The following OR9Q1 variants were observed in gnomAD, a reference collection of about 807,000 sequenced individuals.
OR9Q1 encodes the protein olfactory receptor 9Q1.
For synonymous variants in OR9Q1, 153 were observed against 148.6 expected (o/e 1.03, Z -0.22); for missense variants, 374 against 378.8 (o/e 0.99, Z 0.11).
chr11:58,043,851 C>T (rs1565058441), intron 1 of OR9Q1, among the ~76,000 whole-genome samples: 1 of 152,074 alleles, frequency 6.6e-6, no homozygotes, highest in Non-Finnish European at 1.5e-5. Context: ...ATGAGCTGTG[C>T]TAGGTGTAGG....
intron 2 of OR9Q1, among the ~76,000 whole-genome samples, chr11:58,069,935 G>T (rs957800899): frequency 3.3e-5 from 5 of 151,852 alleles, no homozygotes; most frequent in African/African-American, 9.7e-5. Context: ...CCAAACTCTG[G>T]GTCTTGTTTT....
intron 1 of OR9Q1, among the ~76,000 whole-genome samples, 182 bp from the exon 2 acceptor site, chr11:58,055,688 T>C (rs1853320262): frequency 1.3e-5 from 2 of 151,696 alleles, no homozygotes; most frequent in African/African-American, 2.4e-5. Flanking sequence ...TAGTCCCAGC[T>C]ACTCAGGAGG....
At chr11:58,102,863 C>T (rs1853798195) in intron 2 of OR9Q1, among the ~76,000 whole-genome samples, 1 of 152,040 alleles carries the variant, frequency 6.6e-6, no homozygotes, top group Non-Finnish European at 1.5e-5. Flanking sequence ...TCTACACTTT[C>T]CCCCATCTCT....
chr11:58,168,274 C>T (rs1250272013), intron 2 of OR9Q1, among the ~76,000 whole-genome samples: 1 of 152,162 alleles, frequency 6.6e-6, no homozygotes, highest in Non-Finnish European at 1.5e-5. Context: ...AACCACTACC[C>T]TGAATTTGCT....
chr11:58,113,823 T>A (rs992441197), intron 2 of OR9Q1, among the ~76,000 whole-genome samples: 1 of 152,178 alleles, frequency 6.6e-6, no homozygotes, highest in Non-Finnish European at 1.5e-5. Context: ...GTTTAAATTA[T>A]GTTCAAAAAT....
At chr11:58,070,176 AT>A (rs535759379) in intron 2 of OR9Q1, among the ~76,000 whole-genome samples, 19,040 of 136,602 alleles carry the variant, frequency 0.14, 1,353 homozygotes, top group South Asian at 0.2. Flanking sequence ...TAATTTTTGT[AT>A]TTTTTTTTTT....
At chr11:58,130,141 C>T (rs1053938646) in intron 2 of OR9Q1, among the ~76,000 whole-genome samples, 1 of 152,068 alleles carries the variant, frequency 6.6e-6, no homozygotes, top group African/African-American at 2.4e-5. Context: ...TTACACTAGG[C>T]ACTCAATAAA....
chr11:58,063,476 T>A (rs1024173916), intron 2 of OR9Q1, among the ~76,000 whole-genome samples: 7 of 152,216 alleles, frequency 4.6e-5, no homozygotes, highest in African/African-American at 1.7e-4. Context: ...ATCACCTTTC[T>A]ACTAGTAAAT....
At chr11:58,163,754 C>T (rs1468505072) in intron 2 of OR9Q1, among the ~76,000 whole-genome samples, 4 of 152,034 alleles carry the variant, frequency 2.6e-5, no homozygotes, top group African/African-American at 4.8e-5. Flanking sequence ...AATAGCTGGG[C>T]AGGGGGCCGT....
chr11:58,150,251 A>C (rs1354793397), intron 2 of OR9Q1, among the ~76,000 whole-genome samples: 1 of 152,046 alleles, frequency 6.6e-6, no homozygotes, highest in Non-Finnish European at 1.5e-5. Context: ...TTGGCCACTT[A>C]TGTATCTTCT....
chr11:58,114,522 A>G (rs888709502), intron 2 of OR9Q1, among the ~76,000 whole-genome samples: 1 of 152,090 alleles, frequency 6.6e-6, no homozygotes, highest in African/African-American at 2.4e-5. Flanking sequence ...CTACAGGGAT[A>G]TTAAATCCTC....
intron 2 of OR9Q1, among the ~76,000 whole-genome samples, chr11:58,096,721 T>G (rs1280913795): frequency 2.3e-4 from 28 of 123,494 alleles, no homozygotes; most frequent in Admixed American, 4.2e-4. Context: ...TTTTTTTTTT[T>G]GAGGTGGAGT....
intron 2 of OR9Q1, among the ~76,000 whole-genome samples, chr11:58,127,650 T>G (rs529517552): frequency 3.4e-4 from 52 of 152,282 alleles, no homozygotes; most frequent in Middle Eastern, 6.8e-3. Context: ...AGCTGTGAGC[T>G]CTTAGCAGCC....
At chr11:58,086,223 A>G (rs1415341614) in intron 2 of OR9Q1, among the ~76,000 whole-genome samples, 2 of 151,980 alleles carry the variant, frequency 1.3e-5, no homozygotes, top group Non-Finnish European at 2.9e-5. Flanking sequence ...ACATTTCTCA[A>G]AAGAAGACAT....
intron 2 of OR9Q1, chr11:58,109,449 G>C (rs1326733653): frequency 1.7e-5 from 8 of 462,072 alleles, no homozygotes; most frequent in Non-Finnish European, 3.5e-5. Context: ...AGGCACAGCA[G>C]GCATCCAGGA....
chr11:58,161,980 T>C (rs1854461935), intron 2 of OR9Q1, among the ~76,000 whole-genome samples: 1 of 152,238 alleles, frequency 6.6e-6, no homozygotes, highest in East Asian at 1.9e-4. Context: ...CCTTAAAGCA[T>C]GTATAGAGCT....
chr11:58,178,186 A>G (rs1854623130), intron 2 of OR9Q1, among the ~76,000 whole-genome samples: 1 of 152,210 alleles, frequency 6.6e-6, no homozygotes, highest in South Asian at 2.1e-4. Context: ...GGAGGAGTCA[A>G]AATATTATCC....
intron 2 of OR9Q1, among the ~76,000 whole-genome samples, chr11:58,108,097 G>A (rs185682996): frequency 1.4e-4 from 21 of 152,272 alleles, no homozygotes; most frequent in Admixed American, 9.8e-4. Context: ...TTATAGTCCT[G>A]CAGATATTAG....
intron 1 of OR9Q1, among the ~76,000 whole-genome samples, chr11:58,040,431 T>G (rs1390292076): frequency 5.3e-5 from 8 of 152,188 alleles, no homozygotes; most frequent in Non-Finnish European, 8.8e-5. Flanking sequence ...CTGGCTCCAC[T>G]CAACCACTCT....
Sources: gnomAD v4.1 joint callset for allele counts (sites outside exome capture counted in the v4.1 genomes callset) on GRCh38, gnomAD v4.1.1 for gene constraint, MANE v1.5 for transcripts, NCBI Gene and HGNC (gene_info 2026-07-23, HGNC 2026-07-21) for gene names.